Variants in DLG2 observed in about 807,000 individuals in gnomAD.
The protein encoded by DLG2 is discs large MAGUK scaffold protein 2.
A neutral mutation model predicts 132.5 loss-of-function variants in DLG2; 45 were observed. The ratio of observed to expected loss-of-function variants is 0.34; its 90% CI spans 0.27 to 0.44. The LOEUF (loss-of-function observed/expected upper bound fraction) is 0.44. Among genes scored for constraint, DLG2 ranks in the 20% least tolerant of loss-of-function variants. The pLI, the probability that DLG2 is intolerant of heterozygous loss-of-function variation, is 1.00. For missense variants in DLG2, 1,045 were observed against 1,196.9 expected (o/e 0.87, Z 1.87); for synonymous variants, 424 against 419.6 (o/e 1.01, Z -0.13).
chr11:84,407,383 C>G (rs930306364), intron 7 of DLG2, among the ~76,000 whole-genome samples: 1 of 152,120 alleles, frequency 6.6e-6, no homozygotes, highest in African/African-American at 2.4e-5. Flanking sequence ...CACGGCCTTC[C>G]TACTGTGGCC....
intron 3 of DLG2, among the ~76,000 whole-genome samples, chr11:85,291,474 G>A (rs1471383203): frequency 6.6e-6 from 1 of 152,022 alleles, no homozygotes; most frequent in Non-Finnish European, 1.5e-5. Flanking sequence ...AAACCCCTGT[G>A]GAGGTTGTTA....
chr11:84,377,867 T>G (rs2154432643), intron 7 of DLG2, among the ~76,000 whole-genome samples: 1 of 152,326 alleles, frequency 6.6e-6, no homozygotes, highest in Non-Finnish European at 1.5e-5. Flanking sequence ...CCAGCTTCAC[T>G]GGGGACATCT....
chr11:85,600,845 A>G (rs2080103306), intron 2 of DLG2, among the ~76,000 whole-genome samples: 1 of 152,192 alleles, frequency 6.6e-6, no homozygotes, highest in Non-Finnish European at 1.5e-5. Context: ...ACAGACACAA[A>G]ATGCTTTTAA....
At chr11:83,542,249 A>G (rs1351359021) in intron 19 of DLG2, among the ~76,000 whole-genome samples, 4 of 152,308 alleles carry the variant, frequency 2.6e-5, no homozygotes, top group South Asian at 2.1e-4. Flanking sequence ...AAACATGGCT[A>G]TATTTCTAAA....
At chr11:85,055,767 C>G (rs1023518848) in intron 6 of DLG2, among the ~76,000 whole-genome samples, 4 of 151,988 alleles carry the variant, frequency 2.6e-5, no homozygotes, top group Non-Finnish European at 5.9e-5. Flanking sequence ...AACAATCACA[C>G]GATGCTGGAG....
At chr11:84,246,686 T>C (rs2097306291) in intron 8 of DLG2, among the ~76,000 whole-genome samples, 1 of 152,188 alleles carries the variant, frequency 6.6e-6, no homozygotes, top group South Asian at 2.1e-4. Context: ...GCAAAAGTTA[T>C]GGCCACAGTG....
intron 12 of DLG2, among the ~76,000 whole-genome samples, chr11:83,965,836 T>C (rs1369364480): frequency 6.6e-6 from 1 of 151,962 alleles, no homozygotes; most frequent in African/African-American, 2.4e-5. Flanking sequence ...ATTCATCATC[T>C]CCCTACTTAG....
intron 6 of DLG2, among the ~76,000 whole-genome samples, chr11:85,003,676 T>C (rs559414093): frequency 3.9e-5 from 6 of 152,182 alleles, no homozygotes; most frequent in African/African-American, 1.4e-4. Flanking sequence ...TTGCCATTGA[T>C]AACTTCTAGT....
chr11:83,621,452 GA>G (rs1356637313), intron 19 of DLG2, among the ~76,000 whole-genome samples: 1 of 152,094 alleles, frequency 6.6e-6, no homozygotes, highest in African/African-American at 2.4e-5. Flanking sequence ...CCAAGAGGCA[GA>G]AACTTTTGCA....
At chr11:85,397,090 C>T (rs974111025) in intron 3 of DLG2, among the ~76,000 whole-genome samples, 2 of 152,162 alleles carry the variant, frequency 1.3e-5, no homozygotes, top group African/African-American at 2.4e-5. Context: ...TCAGCAGGAA[C>T]CCTACAAGCC....
At chr11:85,544,681 G>A (rs1045712664) in intron 3 of DLG2, among the ~76,000 whole-genome samples, 4 of 152,154 alleles carry the variant, frequency 2.6e-5, no homozygotes, top group African/African-American at 9.7e-5. Context: ...GCAGTGGTTT[G>A]TAGTTCTCCT....
At chr11:84,744,581 T>A (rs1329842067) in intron 6 of DLG2, among the ~76,000 whole-genome samples, 2 of 152,158 alleles carry the variant, frequency 1.3e-5, no homozygotes, top group Non-Finnish European at 2.9e-5. Context: ...ATACTAAACA[T>A]ACCTTAATCT....
chr11:84,564,955 T>G (rs1050658967), intron 6 of DLG2, among the ~76,000 whole-genome samples: 5 of 152,162 alleles, frequency 3.3e-5, no homozygotes, highest in South Asian at 2.1e-4. Flanking sequence ...TACATAAAAA[T>G]TACATTCTAC....
chr11:83,990,486 C>G (rs1224264177), intron 11 of DLG2, among the ~76,000 whole-genome samples: 1 of 152,122 alleles, frequency 6.6e-6, no homozygotes. Context: ...GATCGTGGTT[C>G]ACTCTTTTCC....
chr11:85,559,983 G>C (rs2077148675), intron 3 of DLG2, among the ~76,000 whole-genome samples: 1 of 151,564 alleles, frequency 6.6e-6, no homozygotes, highest in Non-Finnish European at 1.5e-5. Context: ...TGAACTAGTA[G>C]TAACACAAGC....
At chr11:83,483,055 A>C (rs776802101) in intron 22 of DLG2, among the ~76,000 whole-genome samples, 24 of 152,120 alleles carry the variant, frequency 1.6e-4, no homozygotes, top group Non-Finnish European at 2.8e-4. Flanking sequence ...TGCCTGATAC[A>C]TTTTGCTTTT....
chr11:84,592,933 T>TTAAAAAAAA (rs2099547172), intron 6 of DLG2, among the ~76,000 whole-genome samples: 1 of 18,178 alleles, frequency 5.5e-5, no homozygotes, highest in African/African-American at 2.3e-4. Flanking sequence ...CTGTCTCTAC[T>TTAAAAAAAA]AAAAAAAAAA....
At chr11:83,774,240 C>A (rs1377416372) in intron 18 of DLG2, among the ~76,000 whole-genome samples, 1 of 152,222 alleles carries the variant, frequency 6.6e-6, no homozygotes, top group African/African-American at 2.4e-5. Flanking sequence ...CAAGGGTTTT[C>A]TCAAGTTCCA....
At chr11:85,579,219 A>G (rs1265312255) in intron 3 of DLG2, among the ~76,000 whole-genome samples, 1 of 152,124 alleles carries the variant, frequency 6.6e-6, no homozygotes, top group Non-Finnish European at 1.5e-5. Flanking sequence ...ATAACATGCA[A>G]TGGAGCCTTT....
Sources: allele counts gnomAD v4.1 joint callset (sites outside exome capture counted in the v4.1 genomes callset), GRCh38; gene constraint gnomAD v4.1.1; transcripts MANE v1.5; gene names NCBI Gene and HGNC (gene_info 2026-07-23, HGNC 2026-07-21).